Variants in LRP12 observed in about 807,000 individuals in gnomAD.
LRP12 encodes the protein LDL receptor related protein 12.
A neutral mutation model predicts 66.0 loss-of-function variants in LRP12; 14 were observed. That is an observed-to-expected ratio of 0.21 (90% CI 0.14 to 0.33). The LOEUF is 0.33. LRP12 is among the 10% of genes least tolerant of loss of function. The pLI, the probability that LRP12 is intolerant of heterozygous loss-of-function variation, is 1.00. For missense variants in LRP12, 889 were observed against 1,053.4 expected, an observed-to-expected ratio of 0.84 and a Z score of 2.16; for synonymous variants, 357 against 359.1, an observed-to-expected ratio of 0.99 and a Z score of 0.07.
chr8:104,494,004 G>A (rs1398306089), intron 6 of LRP12, among the ~76,000 whole-genome samples: 5 of 152,196 alleles, frequency 3.3e-5, no homozygotes, highest in African/African-American at 1.2e-4. Context: ...CAAACCTGAA[G>A]GGGATTTGGG....
At chr8:104,504,259 G>A (rs1810872492) in intron 3 of LRP12, 1 of 151,838 alleles carries the variant, frequency 6.6e-6, no homozygotes, top group East Asian at 1.9e-4. Context: ...CTTCAGTTTT[G>A]CTTTGAGTTT....
At chr8:104,526,523 T>C (rs1254033984) in intron 2 of LRP12, among the ~76,000 whole-genome samples, 55 of 148,494 alleles carry the variant, frequency 3.7e-4, no homozygotes, top group Non-Finnish European at 7.5e-4. Flanking sequence ...TCAGAAATAA[T>C]GCTGCATATC....
intron 1 of LRP12, among the ~76,000 whole-genome samples, chr8:104,585,869 A>G (rs1812322079): frequency 1.3e-5 from 2 of 152,216 alleles, no homozygotes; most frequent in Non-Finnish European, 2.9e-5. Context: ...GAGGTGAGCA[A>G]GACTAACAGC....
intron 1 of LRP12, among the ~76,000 whole-genome samples, chr8:104,586,415 A>G (rs776802153): frequency 1.3e-5 from 2 of 152,224 alleles, no homozygotes; most frequent in African/African-American, 2.4e-5. Flanking sequence ...ATATTGGCCA[A>G]TCAACCTGCT....
chr8:104,559,337 T>TAG (rs1811865989), intron 1 of LRP12, among the ~76,000 whole-genome samples: 1 of 152,160 alleles, frequency 6.6e-6, no homozygotes, highest in Non-Finnish European at 1.5e-5. Context: ...CATTATTCTA[T>TAG]GTGAAGTAAC....
chr8:104,558,725 T>A (rs1811852375), intron 1 of LRP12, among the ~76,000 whole-genome samples: 1 of 150,356 alleles, frequency 6.7e-6, no homozygotes, highest in Non-Finnish European at 1.5e-5. Context: ...AGGACTAATA[T>A]CTAGAATCTA....
intron 3 of LRP12, chr8:104,505,399 CTTTTTTTTTTTTT>C (rs57277820): frequency 1.9e-5 from 2 of 103,352 alleles, no homozygotes; most frequent in Admixed American, 1.0e-4. Context: ...TCCTTCTTTC[CTTTTTTTTTTTTT>C]TTTTTTTTTT....
rs548846399 is a variant in LRP12 at position 104,588,964 on chromosome 8, A to ACGACGCCGCCGCCGCCGCCGCCGCCGC, written c.-68_-67insGCGGCGGCGGCGGCGGCGGCGGCGTCG. ...AGGGAGGAGAAGCTGGAGGTAGACGACGCCGACGCCGCCGCCGCCGCCGCC... is the reference window on the plus strand; with the variant it reads ...AGGGAGGAGAAGCTGGAGGTAGACGACGACGCCGCCGCCGCCGCCGCCGCCGCCGCCGACGCCGCCGCCGCCGCCGCC... On this transcript the variant is annotated 5_prime_UTR_variant, in exon 1 of 7. Transcript: ENST00000276654. 6.7e-6 allele frequency: 6 copies of ACGACGCCGCCGCCGCCGCCGCCGCCGC among 899,786 alleles called. No homozygotes were observed. The African/African-American group carries it at 1.1e-4, about 17-fold the overall frequency. 55.7% of individuals were successfully genotyped at this position (899,786 alleles called of 1,614,324 possible). A position where few individuals can be genotyped will look rare whatever the true frequency, so the allele number is the denominator to read the frequency against.
chr8:104,538,714 C>T (rs74421523), intron 1 of LRP12, among the ~76,000 whole-genome samples: 6,162 of 152,200 alleles, frequency 0.04, 189 homozygotes, highest in South Asian at 0.075. Flanking sequence ...TAAAGCAGCA[C>T]TGACTAACAG....
chr8:104,539,707 T>C (rs541421930), intron 1 of LRP12, among the ~76,000 whole-genome samples: 1 of 152,198 alleles, frequency 6.6e-6, no homozygotes, highest in East Asian at 1.9e-4. Flanking sequence ...TAGTTTTAAA[T>C]TTCTTTCTTA....
intron 1 of LRP12, among the ~76,000 whole-genome samples, chr8:104,543,358 T>C (rs970195010): frequency 7.2e-5 from 11 of 152,160 alleles, no homozygotes; most frequent in Admixed American, 1.3e-4. Context: ...GTATTTGTCA[T>C]GGTGATCTGT....
At chr8:104,533,604 A>G (rs947358590) in intron 1 of LRP12, among the ~76,000 whole-genome samples, 1 of 152,162 alleles carries the variant, frequency 6.6e-6, no homozygotes, top group African/African-American at 2.4e-5. Context: ...TACAAATCAC[A>G]GTTACATAAT....
intron 1 of LRP12, among the ~76,000 whole-genome samples, chr8:104,532,186 A>AATTT (rs1248870706): frequency 6.6e-6 from 1 of 151,936 alleles, no homozygotes; most frequent in African/African-American, 2.4e-5. Context: ...GTTATATATA[A>AATTT]AGGTCAAATA....
chr8:104,533,129 G>A (rs1281560736), intron 1 of LRP12, among the ~76,000 whole-genome samples: 2 of 151,980 alleles, frequency 1.3e-5, no homozygotes, highest in Non-Finnish European at 2.9e-5. Flanking sequence ...ATGAAACAGT[G>A]GAAATGATGA....
intron 2 of LRP12, among the ~76,000 whole-genome samples, chr8:104,523,563 T>C (rs1811181311): frequency 1.3e-5 from 2 of 152,230 alleles, no homozygotes; most frequent in African/African-American, 4.8e-5. Context: ...GCTAATCATC[T>C]CCATGTGAGC....
chr8:104,585,197 A>G (rs748417338), intron 1 of LRP12, among the ~76,000 whole-genome samples: 4 of 152,232 alleles, frequency 2.6e-5, no homozygotes, highest in Non-Finnish European at 4.4e-5. Context: ...AAAATGATAT[A>G]CAAACAAGAA....
chr8:104,533,748 T>C (rs1006499126), intron 1 of LRP12, among the ~76,000 whole-genome samples: 2 of 151,972 alleles, frequency 1.3e-5, no homozygotes, highest in African/African-American at 4.8e-5. Context: ...ACTCTTGGGC[T>C]CAAGCAATCC....
At chr8:104,588,404 G>A (rs771781325) in intron 1 of LRP12, among the ~76,000 whole-genome samples, 1 of 152,162 alleles carries the variant, frequency 6.6e-6, no homozygotes, top group Non-Finnish European at 1.5e-5. Flanking sequence ...GGGTTGAGGG[G>A]GCGGGGGGAA....
intron 1 of LRP12, among the ~76,000 whole-genome samples, chr8:104,572,201 G>T (rs1207945686): frequency 6.6e-6 from 1 of 152,104 alleles, no homozygotes; most frequent in Non-Finnish European, 1.5e-5. Flanking sequence ...TTCTTAAAAA[G>T]ACAAAACTAT....
Sources: gnomAD v4.1 joint callset for allele counts (sites outside exome capture counted in the v4.1 genomes callset) on GRCh38, gnomAD v4.1.1 for gene constraint, MANE v1.5 for transcripts, NCBI Gene and HGNC (gene_info 2026-07-23, HGNC 2026-07-21) for gene names.